ATR: variants seen among roughly 807,000 people sequenced by gnomAD.
ATR encodes ATR checkpoint kinase.
In ATR, 142 loss-of-function variants were observed where a neutral mutation model predicts 305.3. That is an observed-to-expected ratio of 0.47 (90% CI 0.41 to 0.53). ATR has a LOEUF of 0.53. Ranked by LOEUF, ATR falls within the 20% of genes least tolerant of loss-of-function variation. The probability of loss-of-function intolerance (pLI) is 0.00; values close to 1 mark genes in which losing one functional copy is unlikely to be tolerated. For synonymous variants in ATR, 1,050 were observed against 1,068.1 expected (o/e 0.98, Z 0.33); for missense variants, 2,135 against 3,133.1 (o/e 0.68, Z 7.60).
At chr3:142,519,567 T>C in intron 24 of ATR, 102 bp downstream of exon 24, 1 of 909,052 alleles carries the variant, frequency 1.1e-6, no homozygotes, top group Non-Finnish European at 1.7e-6. Flanking sequence ...CCCAAAGTGC[T>C]GGGATTACAG....
At chr3:142,533,042 T>A (rs1489055413) in intron 21 of ATR, among the ~76,000 whole-genome samples, 1 of 152,022 alleles carries the variant, frequency 6.6e-6, no homozygotes, top group Non-Finnish European at 1.5e-5. Context: ...CTCACACCTG[T>A]AATACCAGTA....
rs1435444046 is a variant in ATR at position 142,512,560 on chromosome 3, A to C, written c.4642-90T>G. 5.2e-6 allele frequency: 6 copies of C among 1,154,730 alleles called. No individual in the cohort carries two copies. In the East Asian group the frequency reaches 8.3e-5, roughly 16 times the overall value. 71.5% of individuals were successfully genotyped at this position (1,154,730 alleles called of 1,614,324 possible). On this transcript the variant is annotated intron_variant, in intron 26 of 46. Transcript: ENST00000350721. ...CTAAAGCTAACCATTCTAAGGCAAA[A>C]ATTTTCAAAAGAAAAAACACAATTG...
intron 34 of ATR, 121 bp downstream of exon 34, chr3:142,496,240 C>T (rs2031585756): frequency 4.5e-6 from 1 of 221,284 alleles, no homozygotes; most frequent in Admixed American, 6.8e-5. Context: ...TAGTTATGTT[C>T]TCTCAGTTGG....
intron 21 of ATR, among the ~76,000 whole-genome samples, chr3:142,533,129 T>G (rs2033726573): frequency 6.6e-6 from 1 of 151,126 alleles, no homozygotes; most frequent in Admixed American, 6.6e-5. Flanking sequence ...CAAGACCCCA[T>G]CTCTTAAAAA....
chr3:142,485,073 T>A, intron 36 of ATR, 67 bp downstream of exon 36: 1 of 1,587,620 alleles, frequency 6.3e-7, no homozygotes, highest in Non-Finnish European at 8.6e-7. Context: ...AGACATGTGA[T>A]AACAGTTTCA....
intron 4 of ATR, 89 bp downstream of exon 4, chr3:142,562,143 A>C (rs961468773): frequency 2.3e-5 from 31 of 1,346,940 alleles, no homozygotes; most frequent in East Asian, 1.0e-4. Context: ...AAGATATTCT[A>C]TTTTCTTATT....
intron 6 of ATR, 151 bp from the exon 7 acceptor site, chr3:142,559,592 T>C (rs938639359): frequency 1.3e-6 from 1 of 786,948 alleles, no homozygotes; most frequent in East Asian, 2.7e-5. Context: ...TAATATGTTA[T>C]TACTATTTTA....
At position 142,449,571 on chromosome 3, in the gene ATR, C is replaced by T. The variant is rs1314855850; in HGVS notation, c.7793G>A (p.Arg2598Gln). 6.2e-7 allele frequency: 1 copy of T among 1,614,040 alleles called. No individual in the cohort carries two copies. The highest frequency in any genetic ancestry group is 1.7e-5 in the Admixed American group (1 of 60,014). ...TCGAGTCTTGATTACACCTTGTAGT[C>T]GCTGCTCAATGTCAAGAACATGGGT... ...AKTHVLDIEQ[R>Q]LQGVIKTRNR... is the part of the protein sequence containing the mutation. The change falls in exon 47 of 47, where the codon CGA (arginine) becomes CAA (glutamine). Residue 2598 changes from arginine to glutamine, a missense_variant. This residue lies in a region of ATR where 462 missense variants were observed against 887.6 expected (regional missense o/e 0.52). Transcript: ENST00000350721.
intron 24 of ATR, among the ~76,000 whole-genome samples, chr3:142,515,831 A>G (rs1394721222): frequency 6.6e-6 from 1 of 152,194 alleles, no homozygotes; most frequent in Admixed American, 6.5e-5. Context: ...ATGGGTAACT[A>G]TGCAACACAC....
chr3:142,532,519 C>T (rs1238928509), intron 21 of ATR, among the ~76,000 whole-genome samples: 1 of 152,136 alleles, frequency 6.6e-6, no homozygotes, highest in Non-Finnish European at 1.5e-5. Context: ...AATATATATT[C>T]CTCCTTAAAA....
At chr3:142,559,833 C>T (rs893167902) in intron 6 of ATR, among the ~76,000 whole-genome samples, 2 of 152,196 alleles carry the variant, frequency 1.3e-5, no homozygotes, top group African/African-American at 4.8e-5. Context: ...GAGATCAAGG[C>T]TGTAGTGAGC....
intron 36 of ATR, among the ~76,000 whole-genome samples, chr3:142,480,850 ATG>A (rs1271534439): frequency 6.6e-6 from 1 of 152,162 alleles, no homozygotes; most frequent in Non-Finnish European, 1.5e-5. Flanking sequence ...TATGCTAGCA[ATG>A]AGAGAGGCTC....
chr3:142,503,248 T>A (rs970965704), intron 30 of ATR, 114 bp downstream of exon 30: 1 of 776,424 alleles, frequency 1.3e-6, no homozygotes, highest in Non-Finnish European at 2.1e-6. Context: ...TCCAATACCA[T>A]GAAAACACAT....
chr3:142,455,208 A>G (rs1230475390), intron 45 of ATR, among the ~76,000 whole-genome samples: 2 of 152,234 alleles, frequency 1.3e-5, no homozygotes, highest in Non-Finnish European at 2.9e-5. Context: ...ACAATTTTTA[A>G]AAGTTAAATA....
In ATR at chr3:142,556,548, AAC is replaced by A. The variant is rs747415883; in HGVS notation, c.1911_1912del (p.Phe638SerfsTer12). 6.2e-7 allele frequency: 1 copy of A among 1,614,124 alleles called. No homozygotes were observed. The highest frequency in any genetic ancestry group is 8.5e-7 in the Non-Finnish European group (1 of 1,179,978). On this transcript the variant is annotated frameshift_variant, in exon 9 of 47. Coordinates refer to ENST00000350721, the MANE Select transcript of ATR (RefSeq NM_001184.4). LOFTEE classifies it high-confidence loss of function. ...TCTTCTTGGAAACAGAGTCAGAAGA[AAC>A]ACACATCGTGATTGTGCCTGTGGTG... is the stretch of plus-strand genomic sequence containing the variant.
chr3:142,547,053 T>A (rs1219104143), intron 16 of ATR, among the ~76,000 whole-genome samples: 6 of 152,222 alleles, frequency 3.9e-5, no homozygotes, highest in Admixed American at 3.9e-4. Flanking sequence ...ATAAATGGGT[T>A]AAAATATTTT....
At chr3:142,467,828 A>G in intron 39 of ATR, 106 bp downstream of exon 39, 1 of 1,320,408 alleles carries the variant, frequency 7.6e-7, no homozygotes, top group Non-Finnish European at 1.0e-6. Flanking sequence ...ATATGTGTAC[A>G]CCTATAGTTA....
Position 142,505,135 on chromosome 3 carries a change from T to G in ATR, c.5196+4A>C, listed in dbSNP as rs748027517. 5 of 1,614,078 alleles carry G rather than the reference T, an allele frequency of 3.1e-6. No homozygotes were observed. The highest frequency in any genetic ancestry group is 3.4e-6 in the Non-Finnish European group (4 of 1,179,948). ...TTACAGTTGCCTTTCAATTATTATCTTACCTGGTCTGGTTCTAGCTGAATA... is the reference window on the plus strand; with the variant it reads ...TTACAGTTGCCTTTCAATTATTATCGTACCTGGTCTGGTTCTAGCTGAATA... On this transcript the variant is annotated splice_donor_region_variant and intron_variant, in intron 29 of 46. Coordinates refer to ENST00000350721, the MANE Select transcript of ATR (RefSeq NM_001184.4).
intron 36 of ATR, among the ~76,000 whole-genome samples, chr3:142,473,072 T>C (rs761405202): frequency 6.6e-6 from 1 of 152,204 alleles, no homozygotes; most frequent in Admixed American, 6.5e-5. Flanking sequence ...GTTGATTGTT[T>C]CCTTGGCTAT....
Sources: allele counts gnomAD v4.1 joint callset (sites outside exome capture counted in the v4.1 genomes callset), GRCh38; gene constraint gnomAD v4.1.1; regional missense constraint gnomAD v4.1.1; transcripts MANE v1.5; gene names NCBI Gene and HGNC (gene_info 2026-07-23, HGNC 2026-07-21).